VPS36: variants seen among roughly 807,000 people sequenced by gnomAD.
VPS36 encodes vacuolar protein-sorting-associated protein 36.
A neutral mutation model predicts 63.5 loss-of-function variants in VPS36; 31 were observed. That is an observed-to-expected ratio of 0.49 (90% confidence interval 0.37 to 0.66). The LOEUF (loss-of-function observed/expected upper bound fraction) is 0.66, where lower values mean the gene tolerates loss of function less well. VPS36 is among the 30% of genes least tolerant of loss of function. VPS36 has a pLI of 0.00. For synonymous variants in VPS36, 138 were observed against 157.2 expected (o/e 0.88, Z 0.91); for missense variants, 338 against 463.7 (o/e 0.73, Z 2.49).
rs78757814 is a variant in VPS36 at position 52,425,854 on chromosome 13, A to G, written c.774+78T>C. The stretch of plus-strand genomic sequence containing the variant: ...CAATAACCATATCATGAAAATAGTT[A>G]TGCTCTTGTTAACATTTCTAATGAC... On this transcript the variant is annotated intron_variant, in intron 9 of 13. Coordinates refer to ENST00000378060, the MANE Select transcript of VPS36 (RefSeq NM_016075.4). 3.8e-3 allele frequency: 5,449 copies of G among 1,423,702 alleles called. 41 individuals carry two copies. Among genetic ancestry groups the G allele is most frequent in the Middle Eastern group, 0.019 (100 of 5,206 alleles). The allele number at this position is 1,423,702 out of a possible 1,614,324, so 88.2% of individuals were successfully genotyped here.
chr13:52,443,341 C>T (rs1411413939), intron 1 of VPS36, among the ~76,000 whole-genome samples: 3 of 152,082 alleles, frequency 2.0e-5, no homozygotes, highest in African/African-American at 7.2e-5. Context: ...ACCCTCAATG[C>T]GATGGTATTT....
chr13:52,434,073 C>CA (rs894113893), intron 5 of VPS36, among the ~76,000 whole-genome samples: 11 of 151,884 alleles, frequency 7.2e-5, no homozygotes, highest in Non-Finnish European at 1.2e-4. Context: ...CTCAAATGTA[C>CA]AAAAAAAATC....
At position 52,415,716 on chromosome 13, in the gene VPS36, A is replaced by C. The variant is rs775879204; in HGVS notation, c.*114T>G. ...AGAAATTAAAAGAGATTTACATTGC[A>C]CTGTGAAGTTCCAATAAATTCTCAA... On this transcript the variant is annotated 3_prime_UTR_variant, in exon 14 of 14. Coordinates refer to ENST00000378060, the MANE Select transcript of VPS36 (RefSeq NM_016075.4). 11 of 956,514 alleles carry C rather than the reference A, an allele frequency of 1.2e-5. No homozygotes were observed. Among genetic ancestry groups the C allele is most frequent in the Non-Finnish European group, 1.8e-5 (11 of 615,128 alleles). 59.3% of individuals were successfully genotyped at this position (956,514 alleles called of 1,614,324 possible).
Position 52,415,938 on chromosome 13 carries a change from CA to C in VPS36, c.1068-16del, listed in dbSNP as rs781032863. On this transcript the variant is annotated splice_polypyrimidine_tract_variant and intron_variant, in intron 13 of 13. Coordinates refer to ENST00000378060, the MANE Select transcript of VPS36 (RefSeq NM_016075.4). ...CAAGCAGCAACCTAAAAAAAAACAA[CA>C]AAAAAACCCCCACACAATTATCTGT... 14 of 1,612,352 alleles carry C rather than the reference CA, an allele frequency of 8.7e-6. No individual in the cohort carries two copies. The highest frequency in any genetic ancestry group is 5.4e-5 in the African/African-American group (4 of 74,576).
rs76269614 is a variant in VPS36 at position 52,436,024 on chromosome 13, C to A, written c.351+266G>T. On this transcript the variant is annotated intron_variant, in intron 4 of 13. Transcript: ENST00000378060. ...GAAAACTCTGCTAGCAGGCGAATGGCATGACTTAGTGTATTTTCCAGCCTC... is the reference window on the plus strand; with the variant it reads ...GAAAACTCTGCTAGCAGGCGAATGGAATGACTTAGTGTATTTTCCAGCCTC... 873 of 321,580 alleles carry A rather than the reference C, an allele frequency of 2.7e-3. 7 individuals carry two copies. Among genetic ancestry groups the A allele is most frequent in the African/African-American group, 0.017 (794 of 48,006 alleles). The allele number at this position is 321,580 out of a possible 1,614,324, so 19.9% of individuals were successfully genotyped here.
At chr13:52,436,546 G>A (rs957157462) in intron 3 of VPS36, 142 bp from the exon 4 acceptor site, 29 of 642,724 alleles carry the variant, frequency 4.5e-5, no homozygotes, top group Non-Finnish European at 7.5e-5. Flanking sequence ...CTTTTAAAGT[G>A]TGTATTAATT....
Position 52,434,798 on chromosome 13 carries a change from G to A in VPS36, c.436C>T (p.Pro146Ser). Residue 146 changes from proline (P) to serine (S), a missense_variant, in exon 5 of 14, where the codon CCC (proline) becomes TCC (serine). Transcript: ENST00000378060. ...VSQSLQTNRG[P>S]QPGRIRAVGI... The stretch of plus-strand genomic sequence containing the variant: ...GCAAATAGTTTTAAAAATACCTGGG[G>A]TCCTCTATTTGTTTGTAATGACTGG... 6.2e-7 allele frequency: 1 copy of A among 1,612,472 alleles called. No homozygotes were observed.
At position 52,415,935 on chromosome 13, in the gene VPS36, CA is replaced by C; in HGVS notation, c.1068-13del. On this transcript the variant is annotated splice_polypyrimidine_tract_variant and intron_variant, in intron 13 of 13. Transcript: ENST00000378060. ...CTGCAAGCAGCAACCTAAAAAAAAA[CA>C]ACAAAAAAACCCCCACACAATTATC... 2 of 1,611,652 alleles carry C rather than the reference CA, an allele frequency of 1.2e-6. No homozygotes were observed.
intron 2 of VPS36, among the ~76,000 whole-genome samples, chr13:52,440,554 A>C (rs922308511): frequency 6.6e-6 from 1 of 152,180 alleles, no homozygotes; most frequent in African/African-American, 2.4e-5. Context: ...CAGCCTCCCA[A>C]CGTGCTGGGA....
chr13:52,438,337 C>T (rs1360226406), intron 3 of VPS36, among the ~76,000 whole-genome samples: 4 of 152,022 alleles, frequency 2.6e-5, no homozygotes, highest in Admixed American at 6.6e-5. Flanking sequence ...CTTTTTAAAA[C>T]GTTGGTTAGT....
Position 52,420,480 on chromosome 13 carries a change from C to T in VPS36, c.841-2424G>A, listed in dbSNP as rs530584171. Among the ~76,000 whole-genome samples, 17 of 151,482 alleles carry T rather than the reference C, an allele frequency of 1.1e-4. No individual in the cohort carries two copies. In the South Asian group the frequency reaches 3.6e-3, roughly 32 times the overall value. ...CCCAAGTAGCTGGGATTACAGGTGC[C>T]TGCCACCACGCCCGGCTAATTGTTG... is the stretch of plus-strand genomic sequence containing the variant. On this transcript the variant is annotated intron_variant, in intron 10 of 13. Transcript: ENST00000378060.
At chr13:52,434,969 T>TTA in intron 4 of VPS36, 87 bp from the exon 5 acceptor site, 10 of 1,280,796 alleles carry the variant, frequency 7.8e-6, no homozygotes, top group African/African-American at 1.6e-5. Flanking sequence ...CTTTCTTTTT[T>TTA]TCTTTTTTTT....
chr13:52,426,942 ATTGTG>A (rs756132102), intron 8 of VPS36, 42 bp downstream of exon 8: 1 of 1,329,964 alleles, frequency 7.5e-7, no homozygotes, highest in Non-Finnish European at 1.1e-6. Flanking sequence ...ACCTTACTGC[ATTGTG>A]TTATCTAGTT....
intron 3 of VPS36, among the ~76,000 whole-genome samples, chr13:52,438,351 T>G (rs1263791396): frequency 1.3e-5 from 2 of 152,246 alleles, no homozygotes; most frequent in Non-Finnish European, 1.5e-5. Context: ...GGTTAGTTTC[T>G]TTTATATCAA....
intron 3 of VPS36, among the ~76,000 whole-genome samples, chr13:52,438,284 C>T (rs1330354358): frequency 2.6e-5 from 4 of 151,928 alleles, no homozygotes; most frequent in Non-Finnish European, 4.4e-5. Flanking sequence ...GAACAACCTA[C>T]CCTAAAAATC....
intron 1 of VPS36, among the ~76,000 whole-genome samples, chr13:52,449,319 T>C (rs1339381740): frequency 6.6e-6 from 1 of 152,310 alleles, no homozygotes; most frequent in East Asian, 1.9e-4. Flanking sequence ...AGCCTGGCGA[T>C]AGAGCGAGAC....
chr13:52,421,544 T>C (rs1231735148), intron 10 of VPS36, among the ~76,000 whole-genome samples: 19 of 142,428 alleles, frequency 1.3e-4, no homozygotes, highest in African/African-American at 3.9e-4. Context: ...TTTTTTGAGA[T>C]GGAGTTTTGC....
chr13:52,423,845 C>CTTTATT (rs538876646), intron 9 of VPS36, among the ~76,000 whole-genome samples: 210 of 152,044 alleles, frequency 1.4e-3, no homozygotes, highest in African/African-American at 4.5e-3. Context: ...GTCATTACCA[C>CTTTATT]TTTATTTTTA....
At position 52,449,119 on chromosome 13, in the gene VPS36, G is replaced by A. The variant is rs186740876; in HGVS notation, c.96+1380C>T. Among the ~76,000 whole-genome samples the A allele has an allele frequency of 1.1e-4, 16 of 152,254 alleles. No individual in the cohort carries two copies. In the East Asian group the frequency reaches 2.9e-3, roughly 28 times the overall value. On this transcript the variant is annotated intron_variant, in intron 1 of 13. Coordinates refer to ENST00000378060, the MANE Select transcript of VPS36 (RefSeq NM_016075.4). ...AGCTGTTTGGGAGGCCCAGGCGGGCGGATCATTTGAGGTCAGGAGTTAGAG... is the reference window on the plus strand; with the variant it reads ...AGCTGTTTGGGAGGCCCAGGCGGGCAGATCATTTGAGGTCAGGAGTTAGAG...
Sources: gnomAD v4.1 joint callset for allele counts (sites outside exome capture counted in the v4.1 genomes callset) on GRCh38, gnomAD v4.1.1 for gene constraint, MANE v1.5 for transcripts, NCBI Gene and HGNC (gene_info 2026-07-23, HGNC 2026-07-21) for gene names.